CYP4Z1: variants seen among roughly 807,000 people sequenced by gnomAD.
CYP4Z1 encodes cytochrome P450 family 4 subfamily Z member 1.
CYP4Z1 carries 41 observed loss-of-function variants against 54.2 expected under a neutral mutation model. The observed-to-expected ratio is 0.76, with a 90% CI of 0.59 to 0.98. CYP4Z1 has a LOEUF of 0.98. CYP4Z1 is among the 50% of genes least tolerant of loss of function. The probability of loss-of-function intolerance (pLI) is 0.00; values close to 1 mark genes in which losing one functional copy is unlikely to be tolerated. For synonymous variants in CYP4Z1, 163 were observed against 206.2 expected (o/e 0.79, Z 1.79); for missense variants, 513 against 599.0 (o/e 0.86, Z 1.50).
chr1:47,091,781 T>C (rs972202531), intron 6 of CYP4Z1, among the ~76,000 whole-genome samples: 2 of 149,832 alleles, frequency 1.3e-5, no homozygotes, highest in African/African-American at 2.4e-5. Flanking sequence ...AGAGCTGTTA[T>C]GACGATGGTT....
intron 6 of CYP4Z1, among the ~76,000 whole-genome samples, chr1:47,092,698 T>C (rs1644649022): frequency 6.6e-6 from 1 of 152,084 alleles, no homozygotes; most frequent in Non-Finnish European, 1.5e-5. Context: ...TGGTGTATTA[T>C]AGGAGATATA....
At chr1:47,115,212 C>T (rs536436970) in intron 9 of CYP4Z1, among the ~76,000 whole-genome samples, 10 of 152,136 alleles carry the variant, frequency 6.6e-5, no homozygotes, top group East Asian at 1.9e-4. Flanking sequence ...AACCAAACGC[C>T]GCATGTTCTC....
chr1:47,099,116 C>G lies in CYP4Z1; in HGVS notation c.899C>G (p.Ser300Cys), dbSNP rs1306246695. ...SAKSENTKDF[S>C]EADLQAEVKT... ...TAGAGCGAAAACACCAAAGATTTCT[C>G]TGAAGCAGATCTCCAGGCTGAAGTG... is the stretch of plus-strand genomic sequence containing the variant. Residue 300 changes from serine (S) to cysteine (C), a missense_variant, in exon 8 of 12, where the codon TCT becomes TGT. By Grantham distance (112) the Ser-to-Cys change is moderately radical. Transcript: ENST00000334194. The G allele has an allele frequency of 3.1e-6, 5 of 1,614,090 alleles. No individual in the cohort carries two copies. Among genetic ancestry groups the G allele is most frequent in the Non-Finnish European group, 4.2e-6 (5 of 1,179,992 alleles).
In CYP4Z1 at chr1:47,067,606, T is replaced by C. The variant is rs775555015; in HGVS notation, c.116T>C (p.Met39Thr). The C allele has an allele frequency of 8.7e-6, 14 of 1,613,430 alleles. No homozygotes were observed. The highest frequency in any genetic ancestry group is 4.0e-5 in the African/African-American group (3 of 74,854). The change falls in exon 1 of 12, where the codon ATG becomes ACG. Residue 39 changes from methionine (M) to threonine (T), a missense_variant. By Grantham distance (81) the Met-to-Thr change is moderately conservative. Transcript: ENST00000334194. ...AGGTTGTACCAGAGGAGGAGATGGA[T>C]GATCAGAGCCCTGCACCTGTTTCCT... ...VIRLYQRRRW[M>T]IRALHLFPAP...
chr1:47,066,147 A>C (rs1245027987), upstream of CYP4Z1, among the ~76,000 whole-genome samples: 4 of 152,170 alleles, frequency 2.6e-5, no homozygotes, highest in African/African-American at 9.7e-5. Context: ...ATTCCACAAG[A>C]TAGAGAAAGA....
chr1:47,103,346 A>AG (rs1644733487), intron 8 of CYP4Z1, among the ~76,000 whole-genome samples: 1 of 147,022 alleles, frequency 6.8e-6, no homozygotes, highest in South Asian at 2.2e-4. Flanking sequence ...TGCCTGGCTA[A>AG]TTTTTTTTTT....
At chr1:47,057,251 ACT>A in the CYP4Z1 span, among the ~76,000 whole-genome samples, 2 of 140,382 alleles carry the variant, frequency 1.4e-5, no homozygotes, top group African/African-American at 5.3e-5. Flanking sequence ...ATTGGCCCCC[ACT>A]CTCTTCTGGC....
At position 47,068,740 on chromosome 1, in the gene CYP4Z1, C is replaced by T. The variant is rs373456415; in HGVS notation, c.296C>T (p.Ala99Val). ...MFFSVHDPDY[A>V]KILLKRQDPK... ...TTCAGTGTCCATGACCCAGACTATG[C>T]CAAGATTCTCCTGAAAAGACAAGGT... Residue 99 changes from alanine to valine, a missense_variant, in exon 2 of 12, where the codon GCC becomes GTC. Physicochemically the swap from Ala to Val is moderately conservative, Grantham distance 64 (BLOSUM62 0). Coordinates refer to ENST00000334194, the MANE Select transcript of CYP4Z1 (RefSeq NM_178134.3). The T allele has an allele frequency of 4.2e-5, 68 of 1,614,002 alleles. No individual in the cohort carries two copies. The highest frequency in any genetic ancestry group is 1.7e-4 in the Middle Eastern group (1 of 6,060).
At chr1:47,117,702 G>T in intron 11 of CYP4Z1, 64 bp from the exon 12 acceptor site, 1 of 1,507,870 alleles carries the variant, frequency 6.6e-7, no homozygotes, top group Non-Finnish European at 8.9e-7. Flanking sequence ...TAAAAAGATT[G>T]GCGTATGTTG....
At chr1:47,088,863 T>C (rs1266967003) in intron 6 of CYP4Z1, among the ~76,000 whole-genome samples, 1 of 140,942 alleles carries the variant, frequency 7.1e-6, no homozygotes, top group African/African-American at 2.8e-5. Flanking sequence ...CTCAAGCAAT[T>C]TGCCTGCGTC....
At chr1:47,114,315 A>C (rs1305232123) in intron 9 of CYP4Z1, among the ~76,000 whole-genome samples, 1 of 151,790 alleles carries the variant, frequency 6.6e-6, no homozygotes, top group South Asian at 2.1e-4. Context: ...TAAAGACTTA[A>C]ATGTTAGACC....
upstream of CYP4Z1, among the ~76,000 whole-genome samples, chr1:47,066,279 CTCAA>C (rs924963349): frequency 2.0e-5 from 3 of 152,042 alleles, no homozygotes; most frequent in African/African-American, 4.8e-5. Flanking sequence ...TGCAAAAATC[CTCAA>C]TCAAATACTA....
intron 9 of CYP4Z1, among the ~76,000 whole-genome samples, chr1:47,108,823 G>C (rs1644774560): frequency 6.6e-6 from 1 of 151,904 alleles, no homozygotes; most frequent in African/African-American, 2.4e-5. Flanking sequence ...TGGCACCACT[G>C]TCTGTGAGTA....
the CYP4Z1 span, among the ~76,000 whole-genome samples, chr1:47,058,807 G>C: frequency 6.6e-6 from 1 of 152,058 alleles, no homozygotes; most frequent in Non-Finnish European, 1.5e-5. Flanking sequence ...TATAGTAATA[G>C]ACTAGCACTC....
chr1:47,105,733 T>G (rs1644752018), intron 8 of CYP4Z1, among the ~76,000 whole-genome samples: 2 of 152,228 alleles, frequency 1.3e-5, no homozygotes, highest in Admixed American at 1.3e-4. Flanking sequence ...GTCAGCCATC[T>G]TAGAGCCACA....
the CYP4Z1 span, among the ~76,000 whole-genome samples, chr1:47,056,406 G>A: frequency 1.3e-5 from 2 of 152,088 alleles, no homozygotes; most frequent in South Asian, 2.1e-4. Context: ...GTTGATTTGG[G>A]GTGGAGAGTT....
intron 6 of CYP4Z1, among the ~76,000 whole-genome samples, chr1:47,085,854 C>T (rs897303650): frequency 4.9e-5 from 6 of 121,724 alleles, no homozygotes; most frequent in Non-Finnish European, 6.7e-5. Flanking sequence ...TCCCCCCACC[C>T]CACAACAGGC....
rs567955238 is a variant in CYP4Z1 at position 47,106,120 on chromosome 1, C to G, written c.1068-8C>G. 44 of 1,609,686 alleles carry G rather than the reference C, an allele frequency of 2.7e-5. No individual in the cohort carries two copies. The highest frequency in any genetic ancestry group is 1.8e-4 in the South Asian group (16 of 89,848). Reference sequence around the variant, plus strand: ...CTCCTTTTCCTTTCCTCCTGTGCTTCTACCCAGGGAACACCTGAGCCAGAT... The same window carrying G: ...CTCCTTTTCCTTTCCTCCTGTGCTTGTACCCAGGGAACACCTGAGCCAGAT... On this transcript the variant is annotated splice_polypyrimidine_tract_variant and splice_region_variant and intron_variant, in intron 8 of 11. Coordinates refer to ENST00000334194, the MANE Select transcript of CYP4Z1 (RefSeq NM_178134.3).
rs566826324 is a variant in CYP4Z1 at position 47,083,196 on chromosome 1, A to C, written c.492+735A>C. On this transcript the variant is annotated intron_variant, in intron 4 of 11. Transcript: ENST00000334194. ...TCAATCCTAGTCACAAAGACTTCTT[A>C]ATGATACAGGGGCTCAGAGACATGG... is the stretch of plus-strand genomic sequence containing the variant. Among the ~76,000 whole-genome samples the C allele has an allele frequency of 5.9e-5, 9 of 152,190 alleles. No individual in the cohort carries two copies. In the East Asian group the frequency reaches 1.7e-3, roughly 29 times the overall value.
Sources: allele counts gnomAD v4.1 joint callset (sites outside exome capture counted in the v4.1 genomes callset), GRCh38; gene constraint gnomAD v4.1.1; transcripts MANE v1.5; gene names NCBI Gene and HGNC (gene_info 2026-07-23, HGNC 2026-07-21).